Variants in SLC26A7 observed in about 807,000 individuals in gnomAD.
The protein encoded by SLC26A7 is anion exchange transporter.
Under a neutral mutation model 82.5 loss-of-function variants are expected in SLC26A7, and 59 were observed. The observed-to-expected ratio is 0.72, with a 90% CI of 0.58 to 0.89. SLC26A7 has a LOEUF of 0.89. Ranked by LOEUF, SLC26A7 falls within the 40% of genes least tolerant of loss-of-function variation. The pLI is 0.00. For synonymous variants in SLC26A7, 271 were observed against 274.3 expected (o/e 0.99, Z 0.12); for missense variants, 820 against 793.0 (o/e 1.03, Z -0.41).
At chr8:91,339,099 C>T (rs949611907) in intron 7 of SLC26A7, among the ~76,000 whole-genome samples, 1 of 152,112 alleles carries the variant, frequency 6.6e-6, no homozygotes, top group Admixed American at 6.6e-5. Context: ...AAGATTCCTG[C>T]TTTTCTACCT....
chr8:91,257,340 G>A (rs542397343), intron 2 of SLC26A7, among the ~76,000 whole-genome samples: 3 of 152,216 alleles, frequency 2.0e-5, no homozygotes, highest in South Asian at 2.1e-4. Flanking sequence ...GGAAAATAAC[G>A]AGGCTTACTG....
chr8:91,334,040 C>T (rs1813170071), intron 5 of SLC26A7, among the ~76,000 whole-genome samples: 3 of 152,154 alleles, frequency 2.0e-5, no homozygotes, highest in Admixed American at 6.5e-5. Flanking sequence ...CCAGAAGAGT[C>T]ATTCTCTTTA....
At chr8:91,390,645 T>C (rs1207720506) in intron 16 of SLC26A7, among the ~76,000 whole-genome samples, 1 of 151,998 alleles carries the variant, frequency 6.6e-6, no homozygotes, top group Admixed American at 6.5e-5. Flanking sequence ...CCTCCCTGCG[T>C]GGCTTGACAT....
upstream of SLC26A7, among the ~76,000 whole-genome samples, chr8:91,246,405 C>G (rs188027462): frequency 1.3e-3 from 203 of 152,260 alleles, 1 homozygote; most frequent in African/African-American, 4.8e-3. Flanking sequence ...GACTACAGCT[C>G]TATACACACA....
chr8:91,294,106 T>C (rs562340642), intron 3 of SLC26A7, among the ~76,000 whole-genome samples: 2 of 152,332 alleles, frequency 1.3e-5, no homozygotes, highest in South Asian at 4.1e-4. Flanking sequence ...CAATCTGCTG[T>C]CTGTATTTAT....
intron 2 of SLC26A7, among the ~76,000 whole-genome samples, chr8:91,258,109 G>A (rs1032387584): frequency 6.6e-6 from 1 of 152,012 alleles, no homozygotes; most frequent in African/African-American, 2.4e-5. Flanking sequence ...TCCACATGGG[G>A]ATTATGGGGA....
intron 14 of SLC26A7, among the ~76,000 whole-genome samples, chr8:91,368,881 G>C (rs1160945512): frequency 1.3e-5 from 2 of 152,222 alleles, no homozygotes; most frequent in Non-Finnish European, 2.9e-5. Flanking sequence ...GAAATAGAGA[G>C]AGATAAAATA....
rs1220868617 is a variant in SLC26A7 at position 91,395,295 on chromosome 8, C to T, written c.*198C>T. 1.5e-6 allele frequency: 2 copies of T among 1,317,116 alleles called. No homozygotes were observed. Among genetic ancestry groups the T allele is most frequent in the African/African-American group, 1.5e-5 (1 of 66,826 alleles). 81.6% of individuals were successfully genotyped at this position (1,317,116 alleles called of 1,614,324 possible). On this transcript the variant is annotated 3_prime_UTR_variant, in exon 19 of 19. Transcript: ENST00000276609. Reference sequence around the variant, plus strand: ...TCTCATTTTTGTTAGTAAGAAGATTCGCTTAGTTATTTTATGTAAAAATCA... The same window carrying T: ...TCTCATTTTTGTTAGTAAGAAGATTTGCTTAGTTATTTTATGTAAAAATCA...
At chr8:91,312,549 A>G (rs1812517495) in intron 4 of SLC26A7, among the ~76,000 whole-genome samples, 1 of 152,122 alleles carries the variant, frequency 6.6e-6, no homozygotes, top group Admixed American at 6.6e-5. Context: ...TAGTGGCTAT[A>G]CCATTTTACA....
In SLC26A7 at chr8:91,395,301, G is replaced by A; in HGVS notation, c.*204G>A. On this transcript the variant is annotated 3_prime_UTR_variant, in exon 19 of 19. Transcript: ENST00000276609. ...TTTTGTTAGTAAGAAGATTCGCTTA[G>A]TTATTTTATGTAAAAATCAGTATGT... The A allele has an allele frequency of 7.8e-7, 1 of 1,289,344 alleles. No homozygotes were observed. Among genetic ancestry groups the A allele is most frequent in the Non-Finnish European group, 1.0e-6 (1 of 999,370 alleles). The allele number at this position is 1,289,344 out of a possible 1,614,324, so 79.9% of individuals were successfully genotyped here.
chr8:91,260,235 A>G (rs910284340), intron 2 of SLC26A7, among the ~76,000 whole-genome samples: 9 of 152,128 alleles, frequency 5.9e-5, no homozygotes, highest in African/African-American at 2.2e-4. Flanking sequence ...TTCACAAGGC[A>G]GCAGGAGAGA....
At chr8:91,256,581 C>A (rs748669499) in intron 2 of SLC26A7, among the ~76,000 whole-genome samples, 3 of 152,034 alleles carry the variant, frequency 2.0e-5, no homozygotes, top group African/African-American at 7.2e-5. Context: ...TTTCCCAGGA[C>A]CTCCACAGCC....
chr8:91,328,599 A>G (rs1351386117), intron 5 of SLC26A7, among the ~76,000 whole-genome samples: 1 of 152,140 alleles, frequency 6.6e-6, no homozygotes, highest in Admixed American at 6.6e-5. Context: ...TACTATTACT[A>G]TGCTAGACCC....
At chr8:91,307,620 A>G (rs1457891116) in intron 4 of SLC26A7, among the ~76,000 whole-genome samples, 1 of 128,054 alleles carries the variant, frequency 7.8e-6, no homozygotes, top group East Asian at 2.4e-4. Context: ...GGACACAGGA[A>G]GGGGAACATC....
intron 16 of SLC26A7, among the ~76,000 whole-genome samples, chr8:91,392,019 C>T (rs995434969): frequency 1.3e-5 from 2 of 152,104 alleles, no homozygotes; most frequent in Non-Finnish European, 2.9e-5. Context: ...AATCTTGGCA[C>T]TGGACATGTT....
At chr8:91,211,028 G>A (rs1210167275) in intron 1 of SLC26A7, among the ~76,000 whole-genome samples, 1 of 152,084 alleles carries the variant, frequency 6.6e-6, no homozygotes, top group Non-Finnish European at 1.5e-5. Context: ...CAAAGCAGCA[G>A]CAATGAACTG....
At chr8:91,272,440 G>A (rs1389123993) in intron 2 of SLC26A7, among the ~76,000 whole-genome samples, 1 of 152,150 alleles carries the variant, frequency 6.6e-6, no homozygotes, top group Non-Finnish European at 1.5e-5. Context: ...TGCAAATGCA[G>A]AACATATAGC....
rs1377578629 is a variant in SLC26A7, at chr8:91,231,526, G to A, written c.-34+12521G>A. Reference sequence around the variant, plus strand: ...CTTAATAAGGTCTGGCTGTGTCAGCGATGAAATACTTTTCTTTTCCTTTCT... The same window carrying A: ...CTTAATAAGGTCTGGCTGTGTCAGCAATGAAATACTTTTCTTTTCCTTTCT... On this transcript the variant is annotated intron_variant, in intron 2 of 5. Coordinates refer to the SLC26A7 transcript ENST00000522862. 2.6e-5 allele frequency among the ~76,000 whole-genome samples: 4 copies of A among 152,244 alleles called. No homozygotes were observed. In the East Asian group the frequency reaches 5.8e-4, roughly 22 times the overall value.
At chr8:91,283,889 G>C (rs1228554080) in intron 2 of SLC26A7, among the ~76,000 whole-genome samples, 1 of 152,060 alleles carries the variant, frequency 6.6e-6, no homozygotes, top group East Asian at 1.9e-4. Flanking sequence ...TTTTGGCTTT[G>C]CTTTTAAAAT....
Sources: gnomAD v4.1 joint callset for allele counts (sites outside exome capture counted in the v4.1 genomes callset) on GRCh38, gnomAD v4.1.1 for gene constraint, MANE v1.5 for transcripts, NCBI Gene and HGNC (gene_info 2026-07-23, HGNC 2026-07-21) for gene names.